STK3: variants seen among roughly 807,000 people sequenced by gnomAD.
STK3 encodes the protein serine/threonine-protein kinase 3.
Under a neutral mutation model 58.0 loss-of-function variants are expected in STK3, and 41 were observed. That is an observed-to-expected ratio of 0.71 (90% CI 0.55 to 0.92). The LOEUF is 0.92. Ranked by LOEUF, STK3 falls within the 40% of genes least tolerant of loss-of-function variation. The pLI, the probability that STK3 is intolerant of heterozygous loss-of-function variation, is 0.00. For missense variants in STK3, 479 were observed against 602.7 expected (o/e 0.79, Z 2.15); for synonymous variants, 170 against 191.0 (o/e 0.89, Z 0.91).
chr8:98,503,498 T>G (rs1024004404), intron 10 of STK3, among the ~76,000 whole-genome samples: 9 of 152,328 alleles, frequency 5.9e-5, no homozygotes, highest in African/African-American at 1.9e-4. Flanking sequence ...GATGTTAGGG[T>G]GTTGATTTTA....
At chr8:98,733,651 C>A (rs546184035) in intron 4 of STK3, among the ~76,000 whole-genome samples, 1 of 152,202 alleles carries the variant, frequency 6.6e-6, no homozygotes, top group Admixed American at 6.5e-5. Context: ...AATTGTTAGG[C>A]TATGTGCATC....
intron 6 of STK3, among the ~76,000 whole-genome samples, chr8:98,685,672 C>A (rs1352935546): frequency 6.6e-6 from 1 of 151,942 alleles, no homozygotes; most frequent in African/African-American, 2.4e-5. Flanking sequence ...CCCTGATGAT[C>A]CCATTTCTCC....
At chr8:98,606,630 A>C (rs1816794465) in intron 6 of STK3, among the ~76,000 whole-genome samples, 1 of 152,178 alleles carries the variant, frequency 6.6e-6, no homozygotes, top group East Asian at 1.9e-4. Context: ...CCAAAGGTTT[A>C]ATCAATCATT....
At chr8:98,524,872 C>T (rs1311846085) in intron 10 of STK3, among the ~76,000 whole-genome samples, 1 of 152,156 alleles carries the variant, frequency 6.6e-6, no homozygotes, top group Non-Finnish European at 1.5e-5. Context: ...TTAGATAAAC[C>T]TAGACAAACT....
chr8:98,653,917 G>A (rs537865329), intron 6 of STK3, among the ~76,000 whole-genome samples: 1 of 152,152 alleles, frequency 6.6e-6, no homozygotes, highest in Non-Finnish European at 1.5e-5. Flanking sequence ...AGGAGGAACT[G>A]GTACCATTCC....
At chr8:98,809,421 T>G (rs1475701748) in intron 1 of STK3, among the ~76,000 whole-genome samples, 2 of 152,202 alleles carry the variant, frequency 1.3e-5, no homozygotes, top group Non-Finnish European at 2.9e-5. Context: ...ACCCCATGTA[T>G]TTGGTGTCAG....
intron 3 of STK3, among the ~76,000 whole-genome samples, chr8:98,407,234 T>C (rs1158101614): frequency 6.6e-6 from 1 of 152,180 alleles, no homozygotes; most frequent in Non-Finnish European, 1.5e-5. Context: ...ATGGCAAAGG[T>C]TGTCGCCCTG....
chr8:98,495,948 A>C (rs1823101674), intron 10 of STK3, among the ~76,000 whole-genome samples: 1 of 152,128 alleles, frequency 6.6e-6, no homozygotes, highest in African/African-American at 2.4e-5. Flanking sequence ...CTTTGTAAAA[A>C]CTCATGTTCA....
At chr8:98,417,824 C>T (rs1818131587) in intron 3 of STK3, among the ~76,000 whole-genome samples, 1 of 152,230 alleles carries the variant, frequency 6.6e-6, no homozygotes, top group Admixed American at 6.5e-5. Flanking sequence ...TGGGAACTTC[C>T]ACCTGCTTTC....
At chr8:98,653,076 C>A (rs986299559) in intron 6 of STK3, among the ~76,000 whole-genome samples, 1 of 152,200 alleles carries the variant, frequency 6.6e-6, no homozygotes, top group African/African-American at 2.4e-5. Context: ...GACCACATAG[C>A]TGGAAGTAAA....
chr8:98,792,311 G>T (rs62532590), intron 1 of STK3, among the ~76,000 whole-genome samples: 1 of 152,264 alleles, frequency 6.6e-6, no homozygotes, highest in East Asian at 1.9e-4. Context: ...TGATGTTGTC[G>T]GGGATGGAGT....
At chr8:98,388,807 G>A (rs2131009844), upstream of STK3, among the ~76,000 whole-genome samples, 1 of 152,278 alleles carries the variant, frequency 6.6e-6, no homozygotes, top group East Asian at 1.9e-4. Context: ...TTAAGAAATT[G>A]TTGTCAAATA....
At chr8:98,616,819 T>C (rs1351701012) in intron 6 of STK3, among the ~76,000 whole-genome samples, 32 of 150,254 alleles carry the variant, frequency 2.1e-4, no homozygotes, top group Non-Finnish European at 1.9e-4. Context: ...AAGCAAGTCC[T>C]GAGTGACCTA....
At chr8:98,804,018 T>G (rs1833754072) in intron 1 of STK3, among the ~76,000 whole-genome samples, 1 of 152,182 alleles carries the variant, frequency 6.6e-6, no homozygotes, top group South Asian at 2.1e-4. Flanking sequence ...TCTTTTTTTT[T>G]TGAGACAGAG....
At chr8:98,377,483 A>G (rs1817687310) in intron 2 of STK3, among the ~76,000 whole-genome samples, 1 of 150,820 alleles carries the variant, frequency 6.6e-6, no homozygotes, top group African/African-American at 2.5e-5. Context: ...GAATTATTGA[A>G]TTATTATTAT....
intron 4 of STK3, among the ~76,000 whole-genome samples, chr8:98,715,721 T>C (rs538693179): frequency 2.4e-4 from 37 of 152,148 alleles, no homozygotes; most frequent in African/African-American, 8.4e-4. Context: ...GAAGTCGGTG[T>C]GGCGATTCCT....
At chr8:98,394,131 G>T (rs1185418986) in intron 3 of STK3, among the ~76,000 whole-genome samples, 2 of 152,174 alleles carry the variant, frequency 1.3e-5, no homozygotes, top group Non-Finnish European at 2.9e-5. Flanking sequence ...CTCTCAAGTA[G>T]TGGGAGGAGC....
intron 3 of STK3, among the ~76,000 whole-genome samples, chr8:98,873,953 T>C (rs1837472174): frequency 6.6e-6 from 1 of 152,236 alleles, no homozygotes; most frequent in South Asian, 2.1e-4. Context: ...GTCTTTACAA[T>C]CTGGCTTGTT....
At chr8:98,577,645 A>G (rs1813518735) in intron 8 of STK3, among the ~76,000 whole-genome samples, 1 of 152,156 alleles carries the variant, frequency 6.6e-6, no homozygotes, top group Middle Eastern at 3.2e-3. Context: ...CTGGAAGTGA[A>G]TCCTCCAGCC....
Sources: gnomAD v4.1 joint callset for allele counts (sites outside exome capture counted in the v4.1 genomes callset) on GRCh38, gnomAD v4.1.1 for gene constraint, MANE v1.5 for transcripts, NCBI Gene and HGNC (gene_info 2026-07-23, HGNC 2026-07-21) for gene names.